The following CTNNA3 variants were observed in gnomAD, a reference collection of about 807,000 sequenced individuals.
The protein encoded by CTNNA3 is catenin alpha 3, also known as catenin alpha-3.
CTNNA3 carries 76 observed loss-of-function variants against 95.7 expected under a neutral mutation model. That is an observed-to-expected ratio of 0.79 (90% CI 0.66 to 0.96). The LOEUF (loss-of-function observed/expected upper bound fraction) is 0.96, where lower values mean the gene tolerates loss of function less well. Ranked by LOEUF, CTNNA3 falls within the 40% of genes least tolerant of loss-of-function variation. The pLI, the probability that CTNNA3 is intolerant of heterozygous loss-of-function variation, is 0.00. For synonymous variants in CTNNA3, 431 were observed against 374.4 expected, an observed-to-expected ratio of 1.15 and a Z score of -1.74; for missense variants, 1,191 against 1,089.8, an observed-to-expected ratio of 1.09 and a Z score of -1.31.
At chr10:66,016,062 C>G (rs1427017736) in intron 15 of CTNNA3, among the ~76,000 whole-genome samples, 1 of 152,160 alleles carries the variant, frequency 6.6e-6, no homozygotes, top group Non-Finnish European at 1.5e-5. Flanking sequence ...ACATGTCTCT[C>G]CCTAGATCTT....
At chr10:65,950,430 T>A (rs1018768748) in intron 17 of CTNNA3, among the ~76,000 whole-genome samples, 1 of 152,150 alleles carries the variant, frequency 6.6e-6, no homozygotes, top group Admixed American at 6.5e-5. Context: ...CCTTTTCTTC[T>A]GTGTTTTTCC....
At chr10:66,418,856 G>A (rs1160557726) in intron 11 of CTNNA3, among the ~76,000 whole-genome samples, 7 of 151,868 alleles carry the variant, frequency 4.6e-5, no homozygotes, top group African/African-American at 1.7e-4. Flanking sequence ...CAACAAACTA[G>A]GCATAGAATA....
chr10:66,478,172 C>T (rs895840294), intron 11 of CTNNA3, among the ~76,000 whole-genome samples: 3 of 151,936 alleles, frequency 2.0e-5, no homozygotes, highest in Admixed American at 2.0e-4. Flanking sequence ...TCTAGGTATT[C>T]AAAAAGTTGT....
intron 15 of CTNNA3, among the ~76,000 whole-genome samples, chr10:65,997,577 T>G (rs1339871394): frequency 3.3e-5 from 5 of 152,182 alleles, no homozygotes; most frequent in African/African-American, 1.2e-4. Context: ...AAAGAAATTG[T>G]CCTATAGGAA....
At chr10:66,222,184 C>T (rs2088968347) in intron 13 of CTNNA3, among the ~76,000 whole-genome samples, 2 of 152,130 alleles carry the variant, frequency 1.3e-5, no homozygotes, top group African/African-American at 4.8e-5. Context: ...CTCTCTTAGT[C>T]TGATTTCTCT....
Position 66,400,777 on chromosome 10 carries a change from A to G in CTNNA3, c.1532-21425T>C, listed in dbSNP as rs1207758396. On this transcript the variant is annotated intron_variant, in intron 11 of 17. Transcript: ENST00000433211. ...TATCAATTTTATTTTATTGCTGATT[A>G]TTCAACTTTTGATACCTATTTTCTC... Among the ~76,000 whole-genome samples, 3 of 152,114 alleles carry G rather than the reference A, an allele frequency of 2.0e-5. No homozygotes were observed. The East Asian group carries it at 5.8e-4, about 29-fold the overall frequency.
intron 6 of CTNNA3, among the ~76,000 whole-genome samples, chr10:67,183,520 C>T (rs1442266172): frequency 4.0e-5 from 6 of 151,546 alleles, no homozygotes; most frequent in Admixed American, 3.9e-4. Flanking sequence ...AGGGGAACAT[C>T]ACACACTGGG....
At chr10:67,297,019 T>A (rs1216171747) in intron 5 of CTNNA3, among the ~76,000 whole-genome samples, 3 of 147,674 alleles carry the variant, frequency 2.0e-5, no homozygotes, top group African/African-American at 7.6e-5. Context: ...CTTGTTGAAG[T>A]CAGATCAGCT....
intron 1 of CTNNA3, among the ~76,000 whole-genome samples, chr10:67,712,063 T>C (rs1208689173): frequency 6.6e-6 from 1 of 152,250 alleles, no homozygotes; most frequent in East Asian, 1.9e-4. Flanking sequence ...TAAATCATGC[T>C]GCTATAAAGA....
At chr10:66,421,915 T>TATATATATATATATAC (rs1491235778) in intron 11 of CTNNA3, among the ~76,000 whole-genome samples, 2 of 128,932 alleles carry the variant, frequency 1.6e-5, no homozygotes, top group African/African-American at 3.1e-5. Context: ...TATATATATA[T>TATATATATATATATAC]ACACACACAC....
At chr10:67,335,431 C>G (rs763435490) in intron 5 of CTNNA3, among the ~76,000 whole-genome samples, 16 of 152,176 alleles carry the variant, frequency 1.1e-4, no homozygotes, top group Non-Finnish European at 2.2e-4. Context: ...GCTCAGCAAG[C>G]CTGCCATATT....
At position 66,804,970 on chromosome 10, in the gene CTNNA3, C is replaced by T. The variant is rs1304370609; in HGVS notation, c.1048-29446G>A. Among the ~76,000 whole-genome samples, 18 of 152,154 alleles carry T rather than the reference C, an allele frequency of 1.2e-4. 1 individual carries two copies. In the East Asian group the frequency reaches 3.1e-3, roughly 26 times the overall value. ...CCTAAATGTTTGTGCAAATAATATG[C>T]TTTATGTTGAATACCTATTTTCCTA... On this transcript the variant is annotated intron_variant, in intron 7 of 17. Coordinates refer to ENST00000433211, the MANE Select transcript of CTNNA3 (RefSeq NM_013266.4).
At chr10:67,245,767 A>C (rs1865880968) in intron 5 of CTNNA3, among the ~76,000 whole-genome samples, 1 of 149,688 alleles carries the variant, frequency 6.7e-6, no homozygotes, top group Admixed American at 6.8e-5. Context: ...CTGAGGCAGA[A>C]TTTCTTGAAC....
At chr10:67,080,936 CAA>C (rs58476986) in intron 7 of CTNNA3, among the ~76,000 whole-genome samples, 98 of 31,394 alleles carry the variant, frequency 3.1e-3, no homozygotes, top group African/African-American at 0.015. Flanking sequence ...AAAAAAACAA[CAA>C]AAAAAAAAAA....
At chr10:67,718,190 G>A (rs1408780039) in intron 1 of CTNNA3, among the ~76,000 whole-genome samples, 1 of 152,196 alleles carries the variant, frequency 6.6e-6, no homozygotes, top group Admixed American at 6.5e-5. Flanking sequence ...TGCTGAAGTT[G>A]CTTATCAGCT....
intron 17 of CTNNA3, among the ~76,000 whole-genome samples, chr10:65,960,331 T>G (rs2077817259): frequency 6.7e-6 from 1 of 149,278 alleles, no homozygotes. Flanking sequence ...GGTCAGGAGG[T>G]CGAGACCACG....
chr10:67,692,108 G>A (rs1233342618), intron 1 of CTNNA3, among the ~76,000 whole-genome samples: 2 of 150,166 alleles, frequency 1.3e-5, no homozygotes, highest in South Asian at 2.1e-4. Context: ...CCCCCTCCGG[G>A]AGGGAGGTGG....
At chr10:67,759,815 A>G (rs1190882762) in intron 1 of CTNNA3, among the ~76,000 whole-genome samples, 1 of 152,118 alleles carries the variant, frequency 6.6e-6, no homozygotes, top group African/African-American at 2.4e-5. Context: ...ACGCCCCCCT[A>G]CTGACAACCA....
At chr10:67,048,182 A>G (rs1275338445) in intron 7 of CTNNA3, among the ~76,000 whole-genome samples, 1 of 152,074 alleles carries the variant, frequency 6.6e-6, no homozygotes, top group Non-Finnish European at 1.5e-5. Flanking sequence ...CATGAGGTAC[A>G]AACAAAAATA....
Sources: gnomAD v4.1 joint callset for allele counts (sites outside exome capture counted in the v4.1 genomes callset) on GRCh38, gnomAD v4.1.1 for gene constraint, MANE v1.5 for transcripts, NCBI Gene and HGNC (gene_info 2026-07-23, HGNC 2026-07-21) for gene names.